The following TUSC3 variants were observed in gnomAD, a reference collection of about 807,000 sequenced individuals.
The protein encoded by TUSC3 is dolichyl-diphosphooligosaccharide--protein glycosyltransferase subunit TUSC3.
A neutral mutation model predicts 44.8 loss-of-function variants in TUSC3; 45 were observed. The ratio of observed to expected loss-of-function variants is 1.00; its 90% confidence interval spans 0.79 to 1.29. The LOEUF (loss-of-function observed/expected upper bound fraction) is 1.29. TUSC3 is among the 50% of genes most tolerant of loss of function. The pLI is 0.00. For missense variants in TUSC3, 519 were observed against 437.9 expected, an observed-to-expected ratio of 1.19 and a Z score of -1.65; for synonymous variants, 212 against 152.9, an observed-to-expected ratio of 1.39 and a Z score of -2.85.
the TUSC3 span, among the ~76,000 whole-genome samples, chr8:15,816,300 C>T: frequency 6.6e-6 from 1 of 152,006 alleles, no homozygotes; most frequent in Non-Finnish European, 1.5e-5. Context: ...TGAGTTGGGC[C>T]ATCCATTGCA....
At chr8:15,444,255 C>G (rs1800061451) in intron 1 of TUSC3, among the ~76,000 whole-genome samples, 1 of 152,174 alleles carries the variant, frequency 6.6e-6, no homozygotes, top group Non-Finnish European at 1.5e-5. Flanking sequence ...AAAGACAAGA[C>G]TCTTCATGAC....
chr8:15,611,273 G>A lies in TUSC3; in HGVS notation c.139-11807G>A, dbSNP rs976476918. Among the ~76,000 whole-genome samples, 5 of 151,936 alleles carry A rather than the reference G, an allele frequency of 3.3e-5. No individual in the cohort carries two copies. In the East Asian group the frequency reaches 5.8e-4, roughly 18 times the overall value. On this transcript the variant is annotated intron_variant, in intron 1 of 10. Coordinates refer to ENST00000503731, the MANE Select transcript of TUSC3 (RefSeq NM_006765.4). ...GTGATCTCGGCTCACTGCAAATCCC[G>A]CCTCCCAGGTTGAAACGATTCTCCT...
rs557681852 is a variant in TUSC3 at position 15,650,493 on chromosome 8, G to C, written c.309-204G>C. Among the ~76,000 whole-genome samples the C allele has an allele frequency of 2.0e-4, 31 of 152,162 alleles. 1 individual carries two copies. The South Asian group carries it at 6.0e-3, about 30-fold the overall frequency. On this transcript the variant is annotated intron_variant, in intron 2 of 10. Coordinates refer to ENST00000503731, the MANE Select transcript of TUSC3 (RefSeq NM_006765.4). ...GTGGCTGTGTCGCAATAAAACTGTAGTTATGAACATCAGAATTTGAATTTT... is the reference window on the plus strand; with the variant it reads ...GTGGCTGTGTCGCAATAAAACTGTACTTATGAACATCAGAATTTGAATTTT...
the TUSC3 span, among the ~76,000 whole-genome samples, chr8:15,788,055 C>T: frequency 6.6e-6 from 1 of 152,170 alleles, no homozygotes; most frequent in Non-Finnish European, 1.5e-5. Flanking sequence ...TGACCTGCCC[C>T]CTGTCCCTCT....
downstream of TUSC3, among the ~76,000 whole-genome samples, chr8:15,767,503 C>A (rs1812364474): frequency 1.3e-5 from 2 of 151,008 alleles, no homozygotes; most frequent in South Asian, 4.2e-4. Context: ...TTTACCAAAC[C>A]ACTGTTTAAA....
Position 15,650,026 on chromosome 8 carries a change from C to G in TUSC3, c.309-671C>G, listed in dbSNP as rs1315865926. On this transcript the variant is annotated intron_variant, in intron 2 of 10. Transcript: ENST00000503731. ...TCTCTGTTCCTACATAAAGTTTTAT[C>G]ATCTGGAAAATTAGCAAAATATCTA... Among the ~76,000 whole-genome samples, 11 of 152,162 alleles carry G rather than the reference C, an allele frequency of 7.2e-5. No individual in the cohort carries two copies. The East Asian group carries it at 2.1e-3, about 29-fold the overall frequency.
At chr8:15,468,616 C>A (rs563318044) in intron 1 of TUSC3, among the ~76,000 whole-genome samples, 1 of 152,032 alleles carries the variant, frequency 6.6e-6, no homozygotes, top group African/African-American at 2.4e-5. Flanking sequence ...ACATTTGGGG[C>A]TTTAGTAATA....
At chr8:15,564,979 G>A (rs940698243) in intron 1 of TUSC3, among the ~76,000 whole-genome samples, 1 of 152,124 alleles carries the variant, frequency 6.6e-6, no homozygotes, top group Non-Finnish European at 1.5e-5. Context: ...ATTGTTCAGG[G>A]AAGTCCAGGA....
intron 6 of TUSC3, among the ~76,000 whole-genome samples, chr8:15,701,810 A>G (rs73665482): frequency 0.065 from 9,854 of 152,222 alleles, 421 homozygotes; most frequent in East Asian, 0.22. Flanking sequence ...CACTGAGGCA[A>G]GAGTCTTAAA....
chr8:15,522,555 T>C (rs1563273279), intron 2 of TUSC3, among the ~76,000 whole-genome samples: 2 of 151,602 alleles, frequency 1.3e-5, no homozygotes, highest in East Asian at 1.9e-4. Flanking sequence ...TTTTTTTTTT[T>C]CACCTTGAGA....
downstream of TUSC3, chr8:15,766,768 A>G (rs1812342714): frequency 6.6e-6 from 1 of 152,098 alleles, no homozygotes; most frequent in South Asian, 2.1e-4. Context: ...AGAGCGTGGC[A>G]AGTATTCCCT....
intron 1 of TUSC3, among the ~76,000 whole-genome samples, chr8:15,478,860 G>C (rs937036840): frequency 1.3e-5 from 2 of 152,090 alleles, no homozygotes; most frequent in Non-Finnish European, 2.9e-5. Context: ...TTGCCACACT[G>C]TCTTCCACAG....
chr8:15,540,111 A>G, upstream of TUSC3: 1 of 318,106 alleles, frequency 3.1e-6, no homozygotes, highest in East Asian at 5.1e-5. Flanking sequence ...GGGCCAAAGG[A>G]CCACTCCTCT....
the TUSC3 span, among the ~76,000 whole-genome samples, chr8:15,845,951 G>T: frequency 3.9e-4 from 59 of 152,208 alleles, no homozygotes; most frequent in African/African-American, 1.4e-3. Flanking sequence ...TCAGAATCAT[G>T]GCAGGAGGGG....
chr8:15,450,923 G>T (rs1800190299), intron 1 of TUSC3, among the ~76,000 whole-genome samples: 1 of 152,144 alleles, frequency 6.6e-6, no homozygotes, highest in South Asian at 2.1e-4. Flanking sequence ...CTGAGTTCTG[G>T]TCTGAGCAGC....
chr8:15,842,159 A>G, the TUSC3 span, among the ~76,000 whole-genome samples: 1 of 152,176 alleles, frequency 6.6e-6, no homozygotes, highest in East Asian at 1.9e-4. Context: ...CATTGGGGAT[A>G]CATCAATGAA....
chr8:15,538,397 C>A (rs569140227), upstream of TUSC3, among the ~76,000 whole-genome samples: 1 of 152,170 alleles, frequency 6.6e-6, no homozygotes, highest in African/African-American at 2.4e-5. Context: ...GCAAAATGTT[C>A]ACATAATAGT....
At position 15,427,224 on chromosome 8, in the gene TUSC3, T is replaced by A. The variant is rs1166276405; in HGVS notation, n.91+9919T>A. The stretch of plus-strand genomic sequence containing the variant: ...AATATTGTCTAACGGTGCAGAAGGT[T>A]TTTCCTTTTTTTTTTTTTTAGTTTA... On this transcript the variant is annotated intron_variant and non_coding_transcript_variant, in intron 1 of 5. Coordinates refer to the TUSC3 transcript ENST00000503191. Among the ~76,000 whole-genome samples the A allele has an allele frequency of 2.2e-5, 3 of 134,594 alleles. No homozygotes were observed. The East Asian group carries it at 6.2e-4, about 28-fold the overall frequency. The allele number at this position is 134,594 out of a possible 152,430, so 88.3% of individuals were successfully genotyped here. A position where few individuals can be genotyped will look rare whatever the true frequency, so the allele number is the denominator to read the frequency against.
At chr8:15,750,168 G>A (rs773251155) in intron 9 of TUSC3, among the ~76,000 whole-genome samples, 25 of 151,454 alleles carry the variant, frequency 1.7e-4, no homozygotes, top group East Asian at 5.9e-4. Context: ...TTTAGTAGAC[G>A]CAGAGTTTCA....
Sources: allele counts gnomAD v4.1 joint callset (sites outside exome capture counted in the v4.1 genomes callset), GRCh38; gene constraint gnomAD v4.1.1; transcripts MANE v1.5; gene names NCBI Gene and HGNC (gene_info 2026-07-23, HGNC 2026-07-21).